The following HECW2 variants were observed in gnomAD, a reference collection of about 807,000 sequenced individuals.
The protein encoded by HECW2 is HECT, C2 and WW domain containing E3 ubiquitin protein ligase 2.
HECW2 carries 61 observed loss-of-function variants against 175.2 expected under a neutral mutation model. The ratio of observed to expected loss-of-function variants is 0.35; its 90% CI spans 0.28 to 0.43. The LOEUF (loss-of-function observed/expected upper bound fraction) is 0.43. Ranked by LOEUF, HECW2 falls within the 20% of genes least tolerant of loss-of-function variation. The pLI, the probability that HECW2 is intolerant of heterozygous loss-of-function variation, is 1.00. For synonymous variants in HECW2, 671 were observed against 731.0 expected (o/e 0.92, Z 1.32); for missense variants, 1,524 against 2,000.5 (o/e 0.76, Z 4.54).
intron 17 of HECW2, among the ~76,000 whole-genome samples, chr2:196,266,207 C>A (rs1396901438): frequency 6.7e-6 from 1 of 148,290 alleles, no homozygotes; most frequent in Non-Finnish European, 1.5e-5. Flanking sequence ...ATTAGCGGGG[C>A]AAGGTGGTGT....
chr2:196,489,420 G>A (rs1687113434), intron 1 of HECW2, among the ~76,000 whole-genome samples: 1 of 152,070 alleles, frequency 6.6e-6, no homozygotes, highest in Admixed American at 6.6e-5. Flanking sequence ...TGTGCTGGAG[G>A]ACACAGCTAA....
chr2:196,420,554 C>G (rs1020869308), intron 2 of HECW2, among the ~76,000 whole-genome samples: 1 of 152,194 alleles, frequency 6.6e-6, no homozygotes, highest in African/African-American at 2.4e-5. Context: ...CACCTTTCAT[C>G]ATAACCTACA....
At chr2:196,408,980 G>C (rs892681145) in intron 2 of HECW2, among the ~76,000 whole-genome samples, 8 of 152,230 alleles carry the variant, frequency 5.3e-5, no homozygotes, top group Admixed American at 3.3e-4. Context: ...ACAATCAATG[G>C]TGTGCGGGAG....
At chr2:196,541,731 G>C (rs917519817) in intron 1 of HECW2, among the ~76,000 whole-genome samples, 93 of 146,966 alleles carry the variant, frequency 6.3e-4, no homozygotes, top group African/African-American at 2.2e-3. Context: ...ACATTTAAAG[G>C]TTTTTTTTTT....
At chr2:196,342,105 T>C (rs1325911193) in intron 3 of HECW2, among the ~76,000 whole-genome samples, 4 of 152,120 alleles carry the variant, frequency 2.6e-5, no homozygotes, top group African/African-American at 4.8e-5. Context: ...CATTTTTTTT[T>C]CTACATTAAA....
chr2:196,281,437 A>T, intron 14 of HECW2, among the ~76,000 whole-genome samples: 1 of 152,074 alleles, frequency 6.6e-6, no homozygotes, highest in East Asian at 1.9e-4. Flanking sequence ...CAGAAGTTCA[A>T]GGCCAGCCTG....
chr2:196,353,146 C>T (rs1314046941), intron 2 of HECW2, among the ~76,000 whole-genome samples: 4 of 152,244 alleles, frequency 2.6e-5, no homozygotes, highest in African/African-American at 9.6e-5. Flanking sequence ...CCCTGATGTC[C>T]CCAAAGGTGT....
At chr2:196,541,891 GA>G (rs999327300) in intron 1 of HECW2, among the ~76,000 whole-genome samples, 1 of 151,614 alleles carries the variant, frequency 6.6e-6, no homozygotes, top group East Asian at 1.9e-4. Flanking sequence ...AATAATTGCA[GA>G]AAAAAAGAAA....
At chr2:196,371,273 C>T (rs1305664935) in intron 2 of HECW2, among the ~76,000 whole-genome samples, 1 of 152,156 alleles carries the variant, frequency 6.6e-6, no homozygotes, top group Admixed American at 6.5e-5. Flanking sequence ...TTTGCATATT[C>T]ATTTTATTAA....
chr2:196,326,491 T>C (rs905856396), intron 5 of HECW2, among the ~76,000 whole-genome samples: 1 of 151,690 alleles, frequency 6.6e-6, no homozygotes, highest in Non-Finnish European at 1.5e-5. Flanking sequence ...GTCGCCAGGC[T>C]GGAGTGCTGT....
intron 19 of HECW2, among the ~76,000 whole-genome samples, chr2:196,250,941 T>A (rs1688829560): frequency 6.6e-6 from 1 of 152,242 alleles, no homozygotes; most frequent in Admixed American, 6.5e-5. Flanking sequence ...ATCCGGTTTA[T>A]AACCTATTAC....
At chr2:196,221,005 T>A (rs1687645495) in intron 24 of HECW2, 64 bp from the exon 25 acceptor site, 1 of 1,523,798 alleles carries the variant, frequency 6.6e-7, no homozygotes, top group Non-Finnish European at 9.0e-7. Flanking sequence ...ACAACATTAC[T>A]AGCATTGAGC....
intron 17 of HECW2, among the ~76,000 whole-genome samples, chr2:196,261,470 C>G (rs1200626468): frequency 6.6e-6 from 1 of 152,072 alleles, no homozygotes; most frequent in East Asian, 1.9e-4. Flanking sequence ...CTTATCAAAC[C>G]AATGAATCAG....
intron 13 of HECW2, among the ~76,000 whole-genome samples, 173 bp from the exon 14 acceptor site, chr2:196,292,923 C>A (rs1690657500): frequency 6.6e-6 from 1 of 152,144 alleles, no homozygotes; most frequent in South Asian, 2.1e-4. Flanking sequence ...ATATCTTGAA[C>A]AAAATGAAAC....
intron 1 of HECW2, among the ~76,000 whole-genome samples, chr2:196,482,946 C>T (rs1686891326): frequency 6.6e-6 from 1 of 152,144 alleles, no homozygotes; most frequent in South Asian, 2.1e-4. Context: ...ACAACTCTAA[C>T]ATGCAAATAT....
At chr2:196,468,883 T>C (rs998705167) in intron 1 of HECW2, among the ~76,000 whole-genome samples, 13 of 152,168 alleles carry the variant, frequency 8.5e-5, no homozygotes, top group African/African-American at 2.7e-4. Flanking sequence ...TGTTGAGATT[T>C]TTCCTACATT....
At chr2:196,305,828 T>C (rs1349241863) in intron 13 of HECW2, among the ~76,000 whole-genome samples, 1 of 152,196 alleles carries the variant, frequency 6.6e-6, no homozygotes, top group African/African-American at 2.4e-5. Flanking sequence ...ATGGATTATA[T>C]CCTGCTAGAC....
Position 196,320,475 on chromosome 2 carries a change from C to T in HECW2, c.885-36G>A, listed in dbSNP as rs777768772. The T allele has an allele frequency of 3.4e-5, 48 of 1,405,640 alleles. 2 individuals are homozygous for T. In the South Asian group the frequency reaches 4.5e-4, roughly 13 times the overall value. 87.1% of individuals were successfully genotyped at this position (1,405,640 alleles called of 1,614,324 possible). On this transcript the variant is annotated intron_variant, in intron 7 of 28. Transcript: ENST00000644978. ...AGAAATGCTTCTTTCATCCTGACTA[C>T]GCTGGAGTCAGCCTTCGCCGTCTTT... is the stretch of plus-strand genomic sequence containing the variant.
At chr2:196,302,967 G>A (rs57270239) in intron 13 of HECW2, among the ~76,000 whole-genome samples, 31,931 of 152,102 alleles carry the variant, frequency 0.21, 3,633 homozygotes, top group Middle Eastern at 0.28. Context: ...AGGAGTGGTG[G>A]CAGAGAGCAT....
Sources: allele counts gnomAD v4.1 joint callset (sites outside exome capture counted in the v4.1 genomes callset), GRCh38; gene constraint gnomAD v4.1.1; transcripts MANE v1.5; gene names NCBI Gene and HGNC (gene_info 2026-07-23, HGNC 2026-07-21).